The following RBFOX3 variants were observed in gnomAD, a reference collection of about 807,000 sequenced individuals.
RBFOX3 encodes the protein RNA binding protein fox-1 homolog 3.
RBFOX3 carries 17 observed loss-of-function variants against 48.7 expected under a neutral mutation model. The ratio of observed to expected loss-of-function variants is 0.35; its 90% CI spans 0.24 to 0.52. The LOEUF is 0.52. RBFOX3 is among the 20% of genes least tolerant of loss of function. The pLI is 0.94. For synonymous variants in RBFOX3, 212 were observed against 209.5 expected (o/e 1.01, Z -0.10); for missense variants, 382 against 497.5 (o/e 0.77, Z 2.21).
At chr17:79,331,156 A>T (rs1308357730) in intron 2 of RBFOX3, among the ~76,000 whole-genome samples, 1 of 152,002 alleles carries the variant, frequency 6.6e-6, no homozygotes, top group African/African-American at 2.4e-5. Flanking sequence ...CTGGCACCCT[A>T]TTTATTTCTG....
chr17:79,592,688 C>T lies in RBFOX3; in HGVS notation c.-320+18138G>A, dbSNP rs952743201. 5.9e-5 allele frequency among the ~76,000 whole-genome samples: 9 copies of T among 152,234 alleles called. No homozygotes were observed. In the South Asian group the frequency reaches 1.9e-3, roughly 32 times the overall value. On this transcript the variant is annotated intron_variant, in intron 1 of 14. Coordinates refer to ENST00000693108, the MANE Select transcript of RBFOX3 (RefSeq NM_001350451.2). Reference sequence around the variant, plus strand: ...AGCCCAGGACTGCGGGCTCAGGACACCAGGACTCTCCCAGGGACAGCCACT... The same window carrying T: ...AGCCCAGGACTGCGGGCTCAGGACATCAGGACTCTCCCAGGGACAGCCACT...
At chr17:79,573,968 T>C (rs2092771734) in intron 1 of RBFOX3, among the ~76,000 whole-genome samples, 1 of 152,058 alleles carries the variant, frequency 6.6e-6, no homozygotes, top group Non-Finnish European at 1.5e-5. Context: ...AAACAGAAAC[T>C]CCAGCGTCTC....
At chr17:79,595,980 C>T (rs2093559553) in intron 1 of RBFOX3, among the ~76,000 whole-genome samples, 1 of 152,242 alleles carries the variant, frequency 6.6e-6, no homozygotes, top group Non-Finnish European at 1.5e-5. Context: ...ATGCAGCTGG[C>T]CCCAGGGTCA....
the RBFOX3 span, among the ~76,000 whole-genome samples, chr17:79,648,477 C>T: frequency 7.9e-5 from 12 of 152,192 alleles, no homozygotes; most frequent in Non-Finnish European, 1.5e-4. Context: ...TGGGGACAGG[C>T]GTGGCCCCAT....
chr17:79,536,063 G>C (rs1410382624), intron 1 of RBFOX3, among the ~76,000 whole-genome samples: 1 of 152,152 alleles, frequency 6.6e-6, no homozygotes, highest in Non-Finnish European at 1.5e-5. Context: ...TGGGGAGGGA[G>C]AGCTGCAATC....
At chr17:79,495,112 C>G (rs2081246713) in intron 1 of RBFOX3, among the ~76,000 whole-genome samples, 1 of 151,976 alleles carries the variant, frequency 6.6e-6, no homozygotes, top group African/African-American at 2.4e-5. Flanking sequence ...TCGAAGCCCC[C>G]TCCTCACAGC....
At chr17:79,467,284 C>A (rs2076443667) in intron 2 of RBFOX3, among the ~76,000 whole-genome samples, 1 of 152,062 alleles carries the variant, frequency 6.6e-6, no homozygotes, top group Non-Finnish European at 1.5e-5. Context: ...GGCTTAGGTC[C>A]CCAGAGTAGC....
At position 79,249,906 on chromosome 17, in the gene RBFOX3, T is replaced by C. The variant is rs2063690432; in HGVS notation, c.-73-14101A>G. Among the ~76,000 whole-genome samples, 1 of 152,164 alleles carries C rather than the reference T, an allele frequency of 6.6e-6. No homozygotes were observed. Among genetic ancestry groups the C allele is most frequent in the Non-Finnish European group, 1.5e-5 (1 of 68,024 alleles). ...CATTAAAACAAATTCCAGGTATCCT[T>C]AGATCCCCACCAGCCTCACCATCCT... is the stretch of plus-strand genomic sequence containing the variant. On this transcript the variant is annotated intron_variant, in intron 3 of 14. Coordinates refer to ENST00000693108, the MANE Select transcript of RBFOX3 (RefSeq NM_001350451.2). This position sits in a 1 kb window ranked among gnomAD's most constrained non-coding sequence, Gnocchi z 4.1.
chr17:79,350,851 G>T (rs188619537), intron 2 of RBFOX3, among the ~76,000 whole-genome samples: 1 of 152,168 alleles, frequency 6.6e-6, no homozygotes, highest in Non-Finnish European at 1.5e-5. Flanking sequence ...CCCCCATGGC[G>T]ACTCTCCCAC....
chr17:79,372,255 TC>T (rs1372701296), intron 2 of RBFOX3, among the ~76,000 whole-genome samples: 1 of 147,660 alleles, frequency 6.8e-6, no homozygotes, highest in Non-Finnish European at 1.5e-5. Context: ...CCCCATACTA[TC>T]CCCGGCAATC....
chr17:79,589,027 G>C (rs941057836), intron 1 of RBFOX3, among the ~76,000 whole-genome samples: 2 of 142,396 alleles, frequency 1.4e-5, no homozygotes, highest in Non-Finnish European at 3.1e-5. Context: ...GTGAGACCCC[G>C]TCCTGAGCTT....
intron 3 of RBFOX3, among the ~76,000 whole-genome samples, chr17:79,273,481 G>A (rs61050452): frequency 0.034 from 5,201 of 151,592 alleles, 292 homozygotes; most frequent in African/African-American, 0.12. Context: ...CACATAGTAG[G>A]CTGCCCTGTG....
At chr17:79,286,040 A>T (rs1490285992) in intron 3 of RBFOX3, among the ~76,000 whole-genome samples, 2 of 152,228 alleles carry the variant, frequency 1.3e-5, no homozygotes, top group African/African-American at 4.8e-5. Context: ...GTCAATGGGC[A>T]GAATGGCTGC....
chr17:79,166,073 C>T lies in RBFOX3; in HGVS notation c.-33-50325G>A, dbSNP rs1440483213. 2.0e-5 allele frequency among the ~76,000 whole-genome samples: 3 copies of T among 152,200 alleles called. No individual in the cohort carries two copies. The South Asian group carries it at 6.2e-4, about 31-fold the overall frequency. ...AGATGTTGCACAGATCTGTACCCGG[C>T]GTGCGGCAGAGTTGTGATTGGAACT... On this transcript the variant is annotated intron_variant, in intron 4 of 14. Coordinates refer to ENST00000693108, the MANE Select transcript of RBFOX3 (RefSeq NM_001350451.2).
chr17:79,110,296 G>A (rs904540230), intron 5 of RBFOX3, among the ~76,000 whole-genome samples: 14 of 152,124 alleles, frequency 9.2e-5, no homozygotes, highest in African/African-American at 3.4e-4. Flanking sequence ...GCCCACTCAA[G>A]TTCGGGGTGG....
chr17:79,293,416 CTT>C (rs2073750436), intron 3 of RBFOX3, among the ~76,000 whole-genome samples: 2 of 16,680 alleles, frequency 1.2e-4, no homozygotes, highest in African/African-American at 4.9e-4. Flanking sequence ...CCACCCCTTC[CTT>C]CCTTCCTTCC....
At position 79,400,985 on chromosome 17, in the gene RBFOX3, C is replaced by G. The variant is rs2062729318; in HGVS notation, c.-175+81469G>C. Among the ~76,000 whole-genome samples the G allele has an allele frequency of 2.0e-5, 3 of 152,192 alleles. No homozygotes were observed. The South Asian group carries it at 6.2e-4, about 31-fold the overall frequency. On this transcript the variant is annotated intron_variant, in intron 2 of 14. Coordinates refer to ENST00000693108, the MANE Select transcript of RBFOX3 (RefSeq NM_001350451.2). Reference sequence around the variant, plus strand: ...CAAGAGATCCTCCTCCGAACAAAAACGAGACAAAACAGAAAAACACGTCGT... The same window carrying G: ...CAAGAGATCCTCCTCCGAACAAAAAGGAGACAAAACAGAAAAACACGTCGT...
chr17:79,497,079 C>G (rs1261305803), intron 1 of RBFOX3, among the ~76,000 whole-genome samples: 1 of 152,176 alleles, frequency 6.6e-6, no homozygotes, highest in Non-Finnish European at 1.5e-5. Context: ...GAGAGCCCTC[C>G]TAAGGTGGAA....
intron 2 of RBFOX3, among the ~76,000 whole-genome samples, chr17:79,433,520 C>T (rs911523792): frequency 5.9e-5 from 9 of 152,206 alleles, no homozygotes; most frequent in African/African-American, 1.9e-4. Context: ...ACACAGGCTC[C>T]GAATGTACTT....
Sources: allele counts gnomAD v4.1 joint callset (sites outside exome capture counted in the v4.1 genomes callset), GRCh38; gene constraint gnomAD v4.1.1; non-coding constraint Gnocchi (gnomAD v3.1); transcripts MANE v1.5; gene names NCBI Gene and HGNC (gene_info 2026-07-23, HGNC 2026-07-21).